EML5: variants seen among roughly 807,000 people sequenced by gnomAD.
The protein encoded by EML5 is EMAP like 5.
EML5 carries 120 observed loss-of-function variants against 250.0 expected under a neutral mutation model. The ratio of observed to expected loss-of-function variants is 0.48; its 90% confidence interval spans 0.41 to 0.56. EML5 has a LOEUF of 0.56. Among genes scored for constraint, EML5 ranks in the 20% least tolerant of loss-of-function variants. The pLI, the probability that EML5 is intolerant of heterozygous loss-of-function variation, is 0.00. For missense variants in EML5, 2,006 were observed against 2,437.6 expected, an observed-to-expected ratio of 0.82 and a Z score of 3.73; for synonymous variants, 771 against 806.5, an observed-to-expected ratio of 0.96 and a Z score of 0.75.
At chr14:88,748,356 T>C (rs768259738) in intron 2 of EML5, among the ~76,000 whole-genome samples, 16 of 152,188 alleles carry the variant, frequency 1.1e-4, no homozygotes, top group Non-Finnish European at 1.5e-4. Flanking sequence ...AGAATGAAGA[T>C]ACCTCTTTGA....
intron 33 of EML5, among the ~76,000 whole-genome samples, chr14:88,633,505 G>T (rs745860704): frequency 2.6e-5 from 4 of 152,066 alleles, no homozygotes; most frequent in Non-Finnish European, 4.4e-5. Flanking sequence ...TTGTACCCTT[G>T]TCTTGACATG....
chr14:88,655,515 A>G (rs1363930477), intron 27 of EML5, among the ~76,000 whole-genome samples: 1 of 152,202 alleles, frequency 6.6e-6, no homozygotes, highest in African/African-American at 2.4e-5. Flanking sequence ...ACCTAAAACC[A>G]TAAAAACCCT....
At chr14:88,663,851 A>C (rs998560809) in intron 23 of EML5, among the ~76,000 whole-genome samples, 1 of 152,026 alleles carries the variant, frequency 6.6e-6, no homozygotes, top group African/African-American at 2.4e-5. Context: ...TCTATATTCT[A>C]TTTATGTCAA....
At chr14:88,624,862 G>A in intron 36 of EML5, 108 bp downstream of exon 36, 1 of 1,231,866 alleles carries the variant, frequency 8.1e-7, no homozygotes, top group Non-Finnish European at 1.1e-6. Flanking sequence ...TGAGGAGGAA[G>A]GTCGGAGAGG....
At position 88,664,495 on chromosome 14, in the gene EML5, C is replaced by A. The variant is rs536914788; in HGVS notation, c.3407G>T (p.Arg1136Ile). The change falls in exon 23 of 44, where the codon AGA becomes ATA. Residue 1136 changes from arginine (R) to isoleucine (I), a missense_variant and splice_region_variant. Physicochemically the swap from Arg to Ile is moderately conservative, Grantham distance 97 (BLOSUM62 -3). Coordinates refer to ENST00000554922, the MANE Select transcript of EML5 (RefSeq NM_183387.3). ...TATTAAGTTATTTAAAGTCTTACCT[C>A]TAATATCCCAATCAATATGGGTTAT... is the stretch of plus-strand genomic sequence containing the variant. Reference protein sequence around the residue: ...SYITHIDWDIRGKLLQVNTGA... With the variant: ...SYITHIDWDIIGKLLQVNTGA... The A allele has an allele frequency of 6.3e-7, 1 of 1,599,690 alleles. No individual in the cohort carries two copies. The highest frequency in any genetic ancestry group is 2.3e-5 in the East Asian group (1 of 44,408).
chr14:88,621,474 T>A (rs1003433869), intron 37 of EML5, 173 bp from the exon 38 acceptor site: 1 of 651,712 alleles, frequency 1.5e-6, no homozygotes, highest in African/African-American at 1.8e-5. Context: ...CAGGCACACA[T>A]CTATCTGTAA....
intron 32 of EML5, among the ~76,000 whole-genome samples, chr14:88,635,890 G>T (rs1022228480): frequency 1.3e-5 from 2 of 152,112 alleles, no homozygotes; most frequent in African/African-American, 2.4e-5. Context: ...ACCATGTGAG[G>T]ATATAATGAG....
chr14:88,621,747 C>G, intron 37 of EML5: 1 of 343,578 alleles, frequency 2.9e-6, no homozygotes, highest in Non-Finnish European at 5.8e-6. Flanking sequence ...CAAACACGCT[C>G]AAAAATTTTC....
chr14:88,683,588 A>G (rs2092762744), intron 20 of EML5, among the ~76,000 whole-genome samples: 2 of 152,210 alleles, frequency 1.3e-5, no homozygotes, highest in African/African-American at 4.8e-5. Context: ...CCTCAACAAA[A>G]TACTGGCAAA....
intron 8 of EML5, among the ~76,000 whole-genome samples, chr14:88,721,993 G>A (rs1320839546): frequency 6.6e-6 from 1 of 152,142 alleles, no homozygotes; most frequent in African/African-American, 2.4e-5. Flanking sequence ...CATTTATGTG[G>A]CCAACAAACA....
intron 31 of EML5, among the ~76,000 whole-genome samples, chr14:88,641,728 C>A (rs981933264): frequency 2.0e-5 from 3 of 152,058 alleles, no homozygotes; most frequent in African/African-American, 7.2e-5. Context: ...CACAATGTAT[C>A]CTCAAACTGG....
At position 88,690,469 on chromosome 14, in the gene EML5, C is replaced by T. The variant is rs946498579; in HGVS notation, c.2540-1996G>A. Among the ~76,000 whole-genome samples the T allele has an allele frequency of 2.6e-5, 4 of 152,148 alleles. No individual in the cohort carries two copies. The East Asian group carries it at 7.7e-4, about 29-fold the overall frequency. On this transcript the variant is annotated intron_variant, in intron 17 of 43. Coordinates refer to ENST00000554922, the MANE Select transcript of EML5 (RefSeq NM_183387.3). The stretch of plus-strand genomic sequence containing the variant: ...TTAGATTCCAAATGTATTCAGAAGA[C>T]TGTCTTTTCTCAACATAGAAGGCAG...
At position 88,704,853 on chromosome 14, in the gene EML5, T is replaced by G. The variant is rs1210843462; in HGVS notation, c.2051+7A>C. The G allele has an allele frequency of 1.2e-6, 2 of 1,602,646 alleles. No individual in the cohort carries two copies. Among genetic ancestry groups the G allele is most frequent in the Non-Finnish European group, 1.7e-6 (2 of 1,172,328 alleles). On this transcript the variant is annotated splice_region_variant and intron_variant, in intron 13 of 43. Coordinates refer to ENST00000554922, the MANE Select transcript of EML5 (RefSeq NM_183387.3). ...AAACAAATAAATGAAAGATAGTTGT[T>G]TTATACCCGTGAACAAAGTGTAATC...
intron 32 of EML5, 55 bp from the exon 33 acceptor site, chr14:88,634,544 A>G (rs1353443089): frequency 9.6e-7 from 1 of 1,038,704 alleles, no homozygotes; most frequent in Non-Finnish European, 1.4e-6. Flanking sequence ...ATCTGTAAAA[A>G]CCCAAATATC....
chr14:88,738,844 T>C (rs1595730690), intron 6 of EML5, 35 bp downstream of exon 6: 2 of 1,537,872 alleles, frequency 1.3e-6, no homozygotes, highest in Non-Finnish European at 1.7e-6. Flanking sequence ...AAGTTTAGAG[T>C]TTGCCTAGTA....
intron 33 of EML5, among the ~76,000 whole-genome samples, chr14:88,633,880 G>A (rs2090576740): frequency 1.3e-5 from 2 of 151,954 alleles, no homozygotes; most frequent in South Asian, 4.2e-4. Context: ...CAAAGCACTG[G>A]GATTACAGGT....
Position 88,620,345 on chromosome 14 carries a change from A to T in EML5, c.5375+409T>A, listed in dbSNP as rs543989735. 1 of 156,296 alleles carries T rather than the reference A, an allele frequency of 6.4e-6. No individual in the cohort carries two copies. The highest frequency in any genetic ancestry group is 2.4e-5 in the African/African-American group (1 of 41,764). The allele number at this position is 156,296 out of a possible 1,614,324, so 9.7% of individuals were successfully genotyped here. ...ACATTTAATCAATAGGTATTGATTA[A>T]ATTAATGAACTACATATTCCCAAAC... On this transcript the variant is annotated intron_variant, in intron 39 of 43. Coordinates refer to ENST00000554922, the MANE Select transcript of EML5 (RefSeq NM_183387.3). The surrounding 1 kb of genome is among the most constrained non-coding windows in gnomAD (Gnocchi z 4.3).
At chr14:88,789,990 C>T (rs1289267908) in intron 1 of EML5, among the ~76,000 whole-genome samples, 1 of 152,210 alleles carries the variant, frequency 6.6e-6, no homozygotes, top group East Asian at 1.9e-4. Context: ...CTATGCATCA[C>T]ATTTGTGAAT....
At chr14:88,629,676 A>C (rs960584508) in intron 33 of EML5, among the ~76,000 whole-genome samples, 1 of 152,180 alleles carries the variant, frequency 6.6e-6, no homozygotes, top group African/African-American at 2.4e-5. Context: ...GTTACTGGGG[A>C]CATCGCATAT....
Sources: allele counts gnomAD v4.1 joint callset (sites outside exome capture counted in the v4.1 genomes callset), GRCh38; gene constraint gnomAD v4.1.1; non-coding constraint Gnocchi (gnomAD v3.1); transcripts MANE v1.5; gene names NCBI Gene and HGNC (gene_info 2026-07-23, HGNC 2026-07-21).